Variants in IDE observed in about 807,000 individuals in gnomAD.
IDE encodes the protein insulin degrading enzyme.
Under a neutral mutation model 133.2 loss-of-function variants are expected in IDE, and 58 were observed. The ratio of observed to expected loss-of-function variants is 0.44; its 90% confidence interval spans 0.35 to 0.54. The LOEUF is 0.54. Ranked by LOEUF, IDE falls within the 20% of genes least tolerant of loss-of-function variation. The pLI, the probability that IDE is intolerant of heterozygous loss-of-function variation, is 0.00. For missense variants in IDE, 981 were observed against 1,234.0 expected (o/e 0.79, Z 3.07); for synonymous variants, 396 against 421.3 (o/e 0.94, Z 0.73).
intron 4 of IDE, among the ~76,000 whole-genome samples, chr10:92,527,309 C>T (rs1264322057): frequency 6.6e-6 from 1 of 152,074 alleles, no homozygotes; most frequent in Non-Finnish European, 1.5e-5. Flanking sequence ...CTACTTGTAT[C>T]TTCATGCACC....
intron 20 of IDE, among the ~76,000 whole-genome samples, chr10:92,464,826 C>T (rs1006697110): frequency 4.6e-5 from 7 of 152,176 alleles, no homozygotes; most frequent in Admixed American, 1.3e-4. Context: ...TGCACCACCA[C>T]GCCCAGCTAA....
At chr10:92,559,663 G>A (rs1409636263) in intron 1 of IDE, among the ~76,000 whole-genome samples, 2 of 151,934 alleles carry the variant, frequency 1.3e-5, no homozygotes, top group African/African-American at 4.8e-5. Flanking sequence ...TTTTTGAGGT[G>A]ACGAAAATGT....
chr10:92,473,757 G>T (rs1846107186), intron 17 of IDE, among the ~76,000 whole-genome samples: 1 of 152,162 alleles, frequency 6.6e-6, no homozygotes, highest in Admixed American at 6.5e-5. Context: ...AAGGCAGGCG[G>T]ATCACCGGAG....
At chr10:92,538,102 G>C (rs1423692517) in intron 1 of IDE, among the ~76,000 whole-genome samples, 1 of 152,124 alleles carries the variant, frequency 6.6e-6, no homozygotes, top group Non-Finnish European at 1.5e-5. Context: ...TTGAACTCCT[G>C]AGCTCAAGCC....
chr10:92,551,398 T>C (rs993762135), intron 1 of IDE, among the ~76,000 whole-genome samples: 4 of 151,598 alleles, frequency 2.6e-5, no homozygotes, highest in Admixed American at 1.3e-4. Flanking sequence ...TGAAACCCCA[T>C]CTCTACTAAA....
chr10:92,469,433 T>C (rs1845851966), intron 18 of IDE, among the ~76,000 whole-genome samples: 1 of 151,876 alleles, frequency 6.6e-6, no homozygotes, highest in South Asian at 2.1e-4. Context: ...AGGGATCTTT[T>C]CTTTTTTTTT....
Sources: gnomAD v4.1 joint callset for allele counts (sites outside exome capture counted in the v4.1 genomes callset) on GRCh38, gnomAD v4.1.1 for gene constraint, MANE v1.5 for transcripts, NCBI Gene and HGNC (gene_info 2026-07-23, HGNC 2026-07-21) for gene names.